Variants in ZNF628 observed in about 807,000 individuals in gnomAD.
ZNF628 encodes zinc finger protein Zec.
A neutral mutation model predicts 2.5 loss-of-function variants in ZNF628; 3 were observed. The observed-to-expected ratio is 1.19, with a 90% CI of 0.54 to 3.07. The LOEUF (loss-of-function observed/expected upper bound fraction) is 3.07. Ranked by LOEUF, ZNF628 falls within the 30% of genes most tolerant of loss-of-function variation. The pLI is 0.03. For synonymous variants in ZNF628, 861 were observed against 717.1 expected (o/e 1.20, Z -3.21); for missense variants, 1,610 against 1,517.1 (o/e 1.06, Z -1.02).
chr19:55,482,248 C>G lies in ZNF628; in HGVS notation c.1055C>G (p.Pro352Arg), dbSNP rs534896073. Residue 352 changes from proline (P) to arginine (R), a missense_variant, in exon 3 of 3, where the codon CCC (proline) becomes CGC (arginine). This residue lies in a region of ZNF628 where 651 missense variants were observed against 575.6 expected (regional missense o/e 1.13). Transcript: ENST00000598519. Reference sequence around the variant, plus strand: ...CAGCCCCCTCCTCCCGCCGCCGCCCCCGCGCCTGGCTTTGCCTGTCTGCCC... The same window carrying G: ...CAGCCCCCTCCTCCCGCCGCCGCCCGCGCGCCTGGCTTTGCCTGTCTGCCC... ...LPQPPPPAAA[P>R]APGFACLPCG... The G allele has an allele frequency of 3.4e-5, 50 of 1,449,984 alleles. No homozygotes were observed. Among genetic ancestry groups the G allele is most frequent in the Non-Finnish European group, 4.1e-5 (45 of 1,109,346 alleles). 89.8% of individuals were successfully genotyped at this position (1,449,984 alleles called of 1,614,324 possible). A position where few individuals can be genotyped will look rare whatever the true frequency, so the allele number is the denominator to read the frequency against.
Position 55,483,826 on chromosome 19 carries a change from G to A in ZNF628, c.2633G>A (p.Ser878Asn), listed in dbSNP as rs201579301. 1.6e-4 allele frequency: 261 copies of A among 1,613,446 alleles called. 2 individuals are homozygous for A. In the Admixed American group the frequency reaches 4.3e-3, roughly 27 times the overall value. ...GTGGCCGGCCAGCTCTCCAATTCCAGTGGGGGAGCTGTGGCTACTGAGGCA... is the reference window on the plus strand; with the variant it reads ...GTGGCCGGCCAGCTCTCCAATTCCAATGGGGGAGCTGTGGCTACTGAGGCA... ...QPVAGQLSNS[S>N]GGAVATEAPN... Residue 878 changes from serine (S) to asparagine (N), a missense_variant, in exon 3 of 3, where the codon AGT becomes AAT. This residue lies in a region of ZNF628 where 712 missense variants were observed against 603.6 expected (regional missense o/e 1.18). Transcript: ENST00000598519.
chr19:55,483,417 CT>C lies in ZNF628; in HGVS notation c.2225del (p.Leu742ProfsTer41). 6.6e-7 allele frequency: 1 copy of C among 1,522,944 alleles called. No individual in the cohort carries two copies. The allele number at this position is 1,522,944 out of a possible 1,614,324, so 94.3% of individuals were successfully genotyped here. On this transcript the variant is annotated frameshift_variant, in exon 3 of 3. Transcript: ENST00000598519. LOFTEE classifies it low-confidence loss of function (END_TRUNC). ...TCCGCCCCCTCCCGCACCTCCCAAGCTCATCCTGCTGCCCTCCTCCAGTGCT... is the reference window on the plus strand; with the variant it reads ...TCCGCCCCCTCCCGCACCTCCCAAGCCATCCTGCTGCCCTCCTCCAGTGCT... ...TPPPPPAPPK[L>X]ILLPSSSAGA...
Position 55,481,881 on chromosome 19 carries a change from C to CCCGCCCCGGGTGCCGCCT in ZNF628, c.699_700insGCCGCCTCCGCCCCGGGT (p.Gly233_Thr234insAlaAlaSerAlaProGly). On this transcript the variant is annotated inframe_insertion, in exon 3 of 3. Transcript: ENST00000598519. ...GCACCAGCGCACGCACGGCGCCGCCCCCGCCCCGGGTACCGCCTCCGCGGC... is the reference window on the plus strand; with the variant it reads ...GCACCAGCGCACGCACGGCGCCGCCCCCGCCCCGGGTGCCGCCTCCGCCCCGGGTACCGCCTCCGCGGC... The CCCGCCCCGGGTGCCGCCT allele has an allele frequency of 6.5e-6, 10 of 1,528,984 alleles. No homozygotes were observed. The highest frequency in any genetic ancestry group is 8.8e-6 in the Non-Finnish European group (10 of 1,140,484). 94.7% of individuals were successfully genotyped at this position (1,528,984 alleles called of 1,614,324 possible).
Position 55,481,981 on chromosome 19 carries a change from A to G in ZNF628, c.788A>G (p.His263Arg). ...DAYLQRHLQP[H>R]SPPAPPAPPP... ...TACCTGCAGCGGCACCTCCAGCCCCACAGCCCGCCCGCGCCTCCCGCCCCG... is the reference window on the plus strand; with the variant it reads ...TACCTGCAGCGGCACCTCCAGCCCCGCAGCCCGCCCGCGCCTCCCGCCCCG... The change falls in exon 3 of 3, where the codon CAC (histidine) becomes CGC (arginine). Residue 263 changes from histidine (H) to arginine (R), a missense_variant. Around this residue, in one of 5 missense-constraint regions of ZNF628, gnomAD observed 651 missense variants for 575.6 expected, o/e 1.13. Transcript: ENST00000598519. The G allele has an allele frequency of 6.9e-7, 1 of 1,444,504 alleles. No homozygotes were observed. Among genetic ancestry groups the G allele is most frequent in the Non-Finnish European group, 9.0e-7 (1 of 1,106,710 alleles). The allele number at this position is 1,444,504 out of a possible 1,614,324, so 89.5% of individuals were successfully genotyped here.
rs868394223 is a variant in ZNF628 at position 55,479,376 on chromosome 19, T to C, written c.-77-458T>C. Among the ~76,000 whole-genome samples the C allele has an allele frequency of 6.6e-6, 1 of 152,120 alleles. No individual in the cohort carries two copies. The highest frequency in any genetic ancestry group is 2.4e-5 in the African/African-American group (1 of 41,422). On this transcript the variant is annotated intron_variant, in intron 1 of 2. Transcript: ENST00000598519. This position sits in a 1 kb window ranked among gnomAD's most constrained non-coding sequence, Gnocchi z 5.1. The stretch of plus-strand genomic sequence containing the variant: ...CTTGAGCTGCTCTGCTGTGAAGGAA[T>C]GGAGAAACGAGTCTGCAGCTGGACA...
In ZNF628 at chr19:55,484,236, C is replaced by T; in HGVS notation, c.3043C>T (p.Leu1015Phe). The T allele has an allele frequency of 6.5e-6, 10 of 1,547,816 alleles. No individual in the cohort carries two copies. Among genetic ancestry groups the T allele is most frequent in the Non-Finnish European group, 8.7e-6 (10 of 1,145,880 alleles). ...AGGCCCAGCCTCGGGCCCCGCGGGG[C>T]TCCCCGGGGCTCCAGCCTCCCAGAT... is the stretch of plus-strand genomic sequence containing the variant. Reference protein sequence around the residue: ...PSGPASGPAGLPGAPASQMVQ... With the variant: ...PSGPASGPAGFPGAPASQMVQ... The change falls in exon 3 of 3, where the codon CTC becomes TTC. Residue 1015 changes from leucine to phenylalanine, a missense_variant. Transcript: ENST00000598519.
chr19:55,481,414 A>G lies in ZNF628; in HGVS notation c.221A>G (p.Lys74Arg), dbSNP rs775793095. ...YKCPDCPKAF[K>R]GSSALLYHQR... ...TGCCCAGACTGCCCCAAGGCTTTCA[A>G]AGGCTCCTCGGCCCTGCTCTACCAC... The change falls in exon 3 of 3, where the codon AAA becomes AGA. Residue 74 changes from lysine to arginine, a missense_variant. By Grantham distance (26) the Lys-to-Arg change is conservative. This residue lies in a region of ZNF628 where 166 missense variants were observed against 241.3 expected (regional missense o/e 0.69). Coordinates refer to ENST00000598519, the MANE Select transcript of ZNF628 (RefSeq NM_033113.3). 1.6e-5 allele frequency: 25 copies of G among 1,610,478 alleles called. No individual in the cohort carries two copies. The African/African-American group carries it at 1.8e-4, about 11-fold the overall frequency.
chr19:55,484,414 C>T lies in ZNF628; in HGVS notation c.*41C>T. The T allele has an allele frequency of 1.4e-6, 2 of 1,411,292 alleles. No individual in the cohort carries two copies. Among genetic ancestry groups the T allele is most frequent in the Admixed American group, 3.3e-5 (1 of 30,760 alleles). 87.4% of individuals were successfully genotyped at this position (1,411,292 alleles called of 1,614,324 possible). The stretch of plus-strand genomic sequence containing the variant: ...CCCCTCCCGCCCCGCACAGAGACCC[C>T]GACTCACTGCCAGCCGGGGCGGGGC... On this transcript the variant is annotated 3_prime_UTR_variant, in exon 3 of 3. Transcript: ENST00000598519.
chr19:55,479,243 G>T lies in ZNF628; in HGVS notation c.-77-591G>T, dbSNP rs901942604. On this transcript the variant is annotated intron_variant, in intron 1 of 2. Transcript: ENST00000598519. The surrounding 1 kb of genome is among the most constrained non-coding windows in gnomAD (Gnocchi z 5.1). Reference sequence around the variant, plus strand: ...CGGAGGCCAGGGGGAGGCGGGCCACGGACCCAGTGACAAGTGGGCCATTGC... The same window carrying T: ...CGGAGGCCAGGGGGAGGCGGGCCACTGACCCAGTGACAAGTGGGCCATTGC... Among the ~76,000 whole-genome samples, 2 of 152,172 alleles carry T rather than the reference G, an allele frequency of 1.3e-5. No individual in the cohort carries two copies. Among genetic ancestry groups the T allele is most frequent in the African/African-American group, 4.8e-5 (2 of 41,442 alleles).
rs746200717 is a variant in ZNF628 at position 55,483,970 on chromosome 19, C to A, written c.2777C>A (p.Thr926Lys). The change falls in exon 3 of 3, where the codon ACA (threonine) becomes AAA (lysine). Residue 926 changes from threonine to lysine, a missense_variant. Thr to Lys is a moderately conservative substitution (Grantham distance 78). This residue lies in a region of ZNF628 where 712 missense variants were observed against 603.6 expected (regional missense o/e 1.18). Coordinates refer to ENST00000598519, the MANE Select transcript of ZNF628 (RefSeq NM_033113.3). ...TGVVQDVLFE[T>K]LQTDEGLQSV... ...GTGGTCCAGGATGTCCTCTTTGAGA[C>A]ACTCCAGACGGACGAGGGCTTGCAG... 3 of 1,573,740 alleles carry A rather than the reference C, an allele frequency of 1.9e-6. No individual in the cohort carries two copies. The highest frequency in any genetic ancestry group is 2.6e-6 in the Non-Finnish European group (3 of 1,157,738).
At chr19:55,480,566 G>A (rs1986673692) in intron 2 of ZNF628, among the ~76,000 whole-genome samples, 1 of 152,068 alleles carries the variant, frequency 6.6e-6, no homozygotes, top group African/African-American at 2.4e-5. Context: ...GATTACAGGC[G>A]CCCACCACCA....
Position 55,481,202 on chromosome 19 carries a change from T to G in ZNF628, c.9T>G (p.Gly3=). ...GCTGACCCAGAATCCCTCCCCCAGG[T>G]GTGATGGTCGGCTCCCACGCGGACA... The part of the protein sequence containing the change: MS[G]VMVGSHADMA... Residue 3 remains glycine, a splice_region_variant and synonymous_variant, in exon 3 of 3, where the codon GGT becomes GGG. Coordinates refer to ENST00000598519, the MANE Select transcript of ZNF628 (RefSeq NM_033113.3). The G allele has an allele frequency of 6.5e-7, 1 of 1,536,794 alleles. No individual in the cohort carries two copies. Among genetic ancestry groups the G allele is most frequent in the African/African-American group, 1.4e-5 (1 of 72,790 alleles).
Position 55,482,482 on chromosome 19 carries a change from A to G in ZNF628, c.1289A>G (p.Gln430Arg). 6.9e-7 allele frequency: 1 copy of G among 1,439,008 alleles called. No individual in the cohort carries two copies. Among genetic ancestry groups the G allele is most frequent in the South Asian group, 1.4e-5 (1 of 69,934 alleles). 89.1% of individuals were successfully genotyped at this position (1,439,008 alleles called of 1,614,324 possible). The change falls in exon 3 of 3, where the codon CAG becomes CGG. Residue 430 changes from glutamine (Q) to arginine (R), a missense_variant. By Grantham distance (43) the Gln-to-Arg change is conservative. This residue lies in a region of ZNF628 where 651 missense variants were observed against 575.6 expected (regional missense o/e 1.13). Coordinates refer to ENST00000598519, the MANE Select transcript of ZNF628 (RefSeq NM_033113.3). ...QAEAAEVTCP[Q>R]EPLAPAAPVP... Reference sequence around the variant, plus strand: ...GAGGCTGCGGAGGTGACCTGCCCCCAGGAACCGCTGGCGCCTGCCGCCCCC... The same window carrying G: ...GAGGCTGCGGAGGTGACCTGCCCCCGGGAACCGCTGGCGCCTGCCGCCCCC...
Position 55,482,054 on chromosome 19 carries a change from G to A in ZNF628, c.861G>A (p.Ala287=). The stretch of plus-strand genomic sequence containing the variant: ...TGCCTGAGCTCTTTTTGGCGGCGGC[G>A]GAGACCACGGTGGAGCTGGTGTACC... ...PVVPELFLAA[A]ETTVELVYRC... The change falls in exon 3 of 3, where the codon GCG becomes GCA. Residue 287 remains alanine (A), a synonymous_variant. Coordinates refer to ENST00000598519, the MANE Select transcript of ZNF628 (RefSeq NM_033113.3). 1 of 1,490,838 alleles carries A rather than the reference G, an allele frequency of 6.7e-7. No individual in the cohort carries two copies. The highest frequency in any genetic ancestry group is 1.5e-5 in the African/African-American group (1 of 67,564). 92.4% of individuals were successfully genotyped at this position (1,490,838 alleles called of 1,614,324 possible).
chr19:55,482,198 C>G lies in ZNF628; in HGVS notation c.1005C>G (p.Ala335=). The G allele has an allele frequency of 1.1e-5, 17 of 1,488,624 alleles. No individual in the cohort carries two copies. Among genetic ancestry groups the G allele is most frequent in the Non-Finnish European group, 1.3e-5 (15 of 1,124,924 alleles). The allele number at this position is 1,488,624 out of a possible 1,614,324, so 92.2% of individuals were successfully genotyped here. ...PQEAPAEAPK[A]DQPPSPLPQP... ...AGGCACCCGCCGAGGCGCCCAAGGCCGACCAGCCACCGTCCCCTCTGCCGC... is the reference window on the plus strand; with the variant it reads ...AGGCACCCGCCGAGGCGCCCAAGGCGGACCAGCCACCGTCCCCTCTGCCGC... The change falls in exon 3 of 3, where the codon GCC becomes GCG. Residue 335 remains alanine, a synonymous_variant. Coordinates refer to ENST00000598519, the MANE Select transcript of ZNF628 (RefSeq NM_033113.3).
In ZNF628 at chr19:55,483,561, G is replaced by A. The variant is rs778836601; in HGVS notation, c.2368G>A (p.Ala790Thr). ...TCTAGGGGTGCAGGGAGCGGCCAGC[G>A]CTGGGGCCAGCGGGACAGGGCAGAG... Reference protein sequence around the residue: ...GGLGVQGAASAGASGTGQSLI... With the variant: ...GGLGVQGAASTGASGTGQSLI... Residue 790 changes from alanine to threonine, a missense_variant, in exon 3 of 3, where the codon GCT (alanine) becomes ACT (threonine). By Grantham distance (58) the Ala-to-Thr change is moderately conservative (BLOSUM62 0). Coordinates refer to ENST00000598519, the MANE Select transcript of ZNF628 (RefSeq NM_033113.3). The A allele has an allele frequency of 2.1e-5, 33 of 1,599,366 alleles. No homozygotes were observed. Among genetic ancestry groups the A allele is most frequent in the Non-Finnish European group, 2.8e-5 (33 of 1,171,808 alleles).
intron 2 of ZNF628, among the ~76,000 whole-genome samples, chr19:55,480,785 C>G (rs933120934): frequency 6.6e-6 from 1 of 152,020 alleles, no homozygotes; most frequent in Non-Finnish European, 1.5e-5. Flanking sequence ...GTGTTGAGGC[C>G]GAGATGGAGG....
At position 55,482,628 on chromosome 19, in the gene ZNF628, G is replaced by C; in HGVS notation, c.1435G>C (p.Glu479Gln). Residue 479 changes from glutamate to glutamine, a missense_variant, in exon 3 of 3, where the codon GAG becomes CAG. Coordinates refer to ENST00000598519, the MANE Select transcript of ZNF628 (RefSeq NM_033113.3). ...CTACCACCTGCGGGACCACACGGGCGAGCGGCCCTACCAGTGTGGCGAGTG... is the reference window on the plus strand; with the variant it reads ...CTACCACCTGCGGGACCACACGGGCCAGCGGCCCTACCAGTGTGGCGAGTG... ...LRYHLRDHTG[E>Q]RPYQCGECGK... 6.2e-7 allele frequency: 1 copy of C among 1,609,394 alleles called. No individual in the cohort carries two copies. Among genetic ancestry groups the C allele is most frequent in the East Asian group, 2.2e-5 (1 of 44,826 alleles).
chr19:55,477,618 C>T (rs967371827), intron 1 of ZNF628, among the ~76,000 whole-genome samples: 8 of 151,426 alleles, frequency 5.3e-5, no homozygotes, highest in Admixed American at 1.3e-4. Flanking sequence ...AAAAATTAGC[C>T]GGGCGCGGTG....
Sources: gnomAD v4.1 joint callset for allele counts (sites outside exome capture counted in the v4.1 genomes callset) on GRCh38, gnomAD v4.1.1 for gene constraint, gnomAD v4.1.1 regional missense constraint, Gnocchi (gnomAD v3.1) non-coding constraint, MANE v1.5 for transcripts, NCBI Gene and HGNC (gene_info 2026-07-23, HGNC 2026-07-21) for gene names.